SMOC2: variants seen among roughly 807,000 people sequenced by gnomAD.
The protein encoded by SMOC2 is SPARC-related modular calcium-binding protein 2.
In SMOC2, 39 loss-of-function variants were observed where a neutral mutation model predicts 61.4. The ratio of observed to expected loss-of-function variants is 0.64; its 90% confidence interval spans 0.49 to 0.83. The LOEUF (loss-of-function observed/expected upper bound fraction) is 0.83. SMOC2 is among the 40% of genes least tolerant of loss of function. The probability of loss-of-function intolerance (pLI) is 0.00; values close to 1 mark genes in which losing one functional copy is unlikely to be tolerated. For synonymous variants in SMOC2, 247 were observed against 239.9 expected, an observed-to-expected ratio of 1.03 and a Z score of -0.27; for missense variants, 556 against 592.9, an observed-to-expected ratio of 0.94 and a Z score of 0.65.
intron 2 of SMOC2, among the ~76,000 whole-genome samples, chr6:168,520,812 C>T (rs13210573): frequency 0.24 from 37,261 of 152,236 alleles, 6,034 homozygotes; most frequent in Non-Finnish European, 0.35. Context: ...GATTCTGTTA[C>T]AGACAGGAGT....
Position 168,535,615 on chromosome 6 carries a change from G to A in SMOC2, c.463+7888G>A, listed in dbSNP as rs1783712584. On this transcript the variant is annotated intron_variant, in intron 4 of 12. Transcript: ENST00000356284. The surrounding 1 kb of genome is among the most constrained non-coding windows in gnomAD (Gnocchi z 4.6). Reference sequence around the variant, plus strand: ...AGACCCACGAAGCATAAAAGCCGGTGCCACAAAGTCCACCGAAACCCTCCT... The same window carrying A: ...AGACCCACGAAGCATAAAAGCCGGTACCACAAAGTCCACCGAAACCCTCCT... Among the ~76,000 whole-genome samples, 1 of 152,180 alleles carries A rather than the reference G, an allele frequency of 6.6e-6. No individual in the cohort carries two copies. Among genetic ancestry groups the A allele is most frequent in the Non-Finnish European group, 1.5e-5 (1 of 68,026 alleles).
intron 11 of SMOC2, among the ~76,000 whole-genome samples, chr6:168,653,502 TCC>T (rs1319240085): frequency 6.6e-6 from 1 of 152,238 alleles, no homozygotes; most frequent in African/African-American, 2.4e-5. Context: ...ACGGTTGGCT[TCC>T]CCCAGAATGG....
At chr6:168,597,137 T>C (rs1173815093) in intron 7 of SMOC2, among the ~76,000 whole-genome samples, 1 of 152,236 alleles carries the variant, frequency 6.6e-6, no homozygotes, top group East Asian at 1.9e-4. Flanking sequence ...CACTTTGGAA[T>C]AGAAATATAG....
intron 1 of SMOC2, among the ~76,000 whole-genome samples, chr6:168,479,542 G>A (rs553529663): frequency 6.6e-5 from 10 of 152,296 alleles, no homozygotes; most frequent in African/African-American, 2.2e-4. Context: ...CGGTTTCTAG[G>A]TAAAGGCTTG....
chr6:168,454,778 T>A (rs1028679282), intron 1 of SMOC2, among the ~76,000 whole-genome samples: 1 of 152,200 alleles, frequency 6.6e-6, no homozygotes, highest in Non-Finnish European at 1.5e-5. Context: ...AACTTCTCCA[T>A]GGGACGCATC....
intron 1 of SMOC2, among the ~76,000 whole-genome samples, chr6:168,468,679 T>C (rs2763226): frequency 0.74 from 111,788 of 152,028 alleles, 41,563 homozygotes; most frequent in African/African-American, 0.83. Flanking sequence ...GGATTACAGG[T>C]GTTTGCCACC....
At chr6:168,599,201 C>T (rs573997116) in intron 8 of SMOC2, among the ~76,000 whole-genome samples, 197 bp downstream of exon 8, 1 of 145,812 alleles carries the variant, frequency 6.9e-6, no homozygotes, top group Non-Finnish European at 1.5e-5. Context: ...TCATACCACA[C>T]ACACACTCAT....
At chr6:168,633,120 T>G (rs1786613733) in intron 9 of SMOC2, among the ~76,000 whole-genome samples, 1 of 152,208 alleles carries the variant, frequency 6.6e-6, no homozygotes, top group Non-Finnish European at 1.5e-5. Flanking sequence ...GACTTCATTT[T>G]CCTCCTCTGT....
At chr6:168,592,122 C>T (rs890012365) in intron 7 of SMOC2, among the ~76,000 whole-genome samples, 2 of 152,240 alleles carry the variant, frequency 1.3e-5, no homozygotes, top group African/African-American at 4.8e-5. Context: ...CTGTGTGGTC[C>T]TGCCGGTGAC....
chr6:168,499,879 G>A (rs1469246277), intron 1 of SMOC2, among the ~76,000 whole-genome samples: 4 of 152,152 alleles, frequency 2.6e-5, no homozygotes, highest in Admixed American at 6.5e-5. Context: ...GTTCTTCTCC[G>A]CACAATTGGA....
At chr6:168,450,826 C>G (rs1781443920) in intron 1 of SMOC2, among the ~76,000 whole-genome samples, 2 of 152,212 alleles carry the variant, frequency 1.3e-5, no homozygotes, top group Admixed American at 6.5e-5. Flanking sequence ...AGTTGGTGAT[C>G]AGATAATAAT....
chr6:168,572,053 C>G (rs1392087353), intron 7 of SMOC2, among the ~76,000 whole-genome samples: 1 of 40,108 alleles, frequency 2.5e-5, no homozygotes, highest in Non-Finnish European at 4.3e-5. Context: ...TTCATTTCCT[C>G]CCCGCATCCC....
At chr6:168,645,032 A>G (rs1426248652) in intron 9 of SMOC2, among the ~76,000 whole-genome samples, 1 of 152,254 alleles carries the variant, frequency 6.6e-6, no homozygotes, top group Non-Finnish European at 1.5e-5. Context: ...ATAGTTTATA[A>G]TCAATAAAGG....
intron 7 of SMOC2, among the ~76,000 whole-genome samples, chr6:168,586,783 T>C (rs1371582076): frequency 6.6e-6 from 1 of 152,208 alleles, no homozygotes; most frequent in Non-Finnish European, 1.5e-5. Context: ...TAGTAATATA[T>C]AAAAATAGAA....
Position 168,642,736 on chromosome 6 carries a change from C to T in SMOC2, c.908-7945C>T, listed in dbSNP as rs146197281. ...GACTTTGTATACCTTTTATAAGCTGCAGGCACTTTATGAATCTCAAAATCA... is the reference window on the plus strand; with the variant it reads ...GACTTTGTATACCTTTTATAAGCTGTAGGCACTTTATGAATCTCAAAATCA... On this transcript the variant is annotated intron_variant, in intron 9 of 12. Transcript: ENST00000356284. 4.9e-3 allele frequency among the ~76,000 whole-genome samples: 752 copies of T among 152,296 alleles called. 4 individuals are homozygous for T. Among genetic ancestry groups the T allele is most frequent in the African/African-American group, 0.017 (724 of 41,568 alleles).
At chr6:168,547,863 G>A (rs1462410382) in intron 6 of SMOC2, among the ~76,000 whole-genome samples, 1 of 152,054 alleles carries the variant, frequency 6.6e-6, no homozygotes, top group Non-Finnish European at 1.5e-5. Context: ...TCTCATGAGG[G>A]TTTCGTTAAA....
Position 168,535,597 on chromosome 6 carries a change from C to T in SMOC2, c.463+7870C>T, listed in dbSNP as rs1012534747. Among the ~76,000 whole-genome samples the T allele has an allele frequency of 2.6e-5, 4 of 152,156 alleles. No homozygotes were observed. Among genetic ancestry groups the T allele is most frequent in the African/African-American group, 7.2e-5 (3 of 41,428 alleles). ...AATCACTAGGATAGAAAAAGACCCACGAAGCATAAAAGCCGGTGCCACAAA... is the reference window on the plus strand; with the variant it reads ...AATCACTAGGATAGAAAAAGACCCATGAAGCATAAAAGCCGGTGCCACAAA... On this transcript the variant is annotated intron_variant, in intron 4 of 12. Coordinates refer to ENST00000356284, the MANE Select transcript of SMOC2 (RefSeq NM_001166412.2). This position sits in a 1 kb window ranked among gnomAD's most constrained non-coding sequence, Gnocchi z 4.6.
intron 1 of SMOC2, among the ~76,000 whole-genome samples, chr6:168,454,861 G>A (rs527294911): frequency 5.6e-4 from 85 of 152,354 alleles, no homozygotes; most frequent in African/African-American, 1.9e-3. Context: ...CAGTGTTCCA[G>A]CAGATGCTAC....
At chr6:168,529,914 A>C (rs1311181660) in intron 4 of SMOC2, among the ~76,000 whole-genome samples, 1 of 152,258 alleles carries the variant, frequency 6.6e-6, no homozygotes, top group Admixed American at 6.5e-5. Flanking sequence ...ACCTCTGGGC[A>C]TACCCTTGGG....
Sources: allele counts gnomAD v4.1 joint callset (sites outside exome capture counted in the v4.1 genomes callset), GRCh38; gene constraint gnomAD v4.1.1; non-coding constraint Gnocchi (gnomAD v3.1); transcripts MANE v1.5; gene names NCBI Gene and HGNC (gene_info 2026-07-23, HGNC 2026-07-21).